ZNF385D: variants seen among roughly 807,000 people sequenced by gnomAD.
ZNF385D encodes the protein zinc finger protein 385D.
A neutral mutation model predicts 35.8 loss-of-function variants in ZNF385D; 15 were observed. That is an observed-to-expected ratio of 0.42 (90% CI 0.28 to 0.64). The LOEUF is 0.64. ZNF385D is among the 30% of genes least tolerant of loss of function. The pLI, the probability that ZNF385D is intolerant of heterozygous loss-of-function variation, is 0.23. For missense variants in ZNF385D, 474 were observed against 494.6 expected, an observed-to-expected ratio of 0.96 and a Z score of 0.39; for synonymous variants, 212 against 186.8, an observed-to-expected ratio of 1.13 and a Z score of -1.10.
chr3:22,058,356 AC>A (rs1699518157), intron 3 of ZNF385D, among the ~76,000 whole-genome samples: 1 of 152,212 alleles, frequency 6.6e-6, no homozygotes, highest in African/African-American at 2.4e-5. Context: ...GTTGCCTCAC[AC>A]CCAAGCCTCC....
At chr3:22,091,798 T>A (rs1363985339) in intron 3 of ZNF385D, among the ~76,000 whole-genome samples, 1 of 152,232 alleles carries the variant, frequency 6.6e-6, no homozygotes, top group Non-Finnish European at 1.5e-5. Flanking sequence ...TTTTTATTTG[T>A]ATACCTAAAC....
At chr3:21,823,759 C>T (rs776638846) in intron 3 of ZNF385D, among the ~76,000 whole-genome samples, 2 of 152,114 alleles carry the variant, frequency 1.3e-5, no homozygotes, top group African/African-American at 4.8e-5. Flanking sequence ...AAATGGAGCA[C>T]GTACTACCTA....
intron 2 of ZNF385D, among the ~76,000 whole-genome samples, chr3:22,184,548 A>G (rs1312789740): frequency 1.3e-5 from 2 of 152,128 alleles, no homozygotes; most frequent in Non-Finnish European, 1.5e-5. Flanking sequence ...AAACGGGGCC[A>G]GGTACAGTGG....
At chr3:22,203,238 C>A (rs1696923426) in intron 2 of ZNF385D, among the ~76,000 whole-genome samples, 1 of 152,060 alleles carries the variant, frequency 6.6e-6, no homozygotes, top group African/African-American at 2.4e-5. Flanking sequence ...AGATGCGAGG[C>A]CCTCATTCTA....
chr3:21,816,129 G>A (rs1250786128), intron 3 of ZNF385D, among the ~76,000 whole-genome samples: 8 of 152,086 alleles, frequency 5.3e-5, no homozygotes, highest in South Asian at 4.1e-4. Flanking sequence ...AAATTCAACA[G>A]CCCTTCATGC....
intron 2 of ZNF385D, among the ~76,000 whole-genome samples, chr3:22,236,350 T>G (rs1259025319): frequency 6.6e-6 from 1 of 152,122 alleles, no homozygotes; most frequent in Non-Finnish European, 1.5e-5. Context: ...ATTTATTTAT[T>G]AGATGGAGTC....
chr3:21,679,784 T>C (rs1037097120), intron 1 of ZNF385D, among the ~76,000 whole-genome samples: 1 of 152,074 alleles, frequency 6.6e-6, no homozygotes, highest in Admixed American at 6.6e-5. Flanking sequence ...AGCGACTTAC[T>C]TGATTGACCT....
chr3:21,788,527 G>T (rs1364251340), intron 3 of ZNF385D, among the ~76,000 whole-genome samples: 1 of 152,130 alleles, frequency 6.6e-6, no homozygotes, highest in Non-Finnish European at 1.5e-5. Flanking sequence ...CAGAAATTTT[G>T]TTCTCATTTT....
intron 2 of ZNF385D, among the ~76,000 whole-genome samples, chr3:21,587,661 G>A (rs534763998): frequency 6.6e-6 from 1 of 152,292 alleles, no homozygotes. Context: ...AATGTGTTCA[G>A]TGTTGAGGTT....
intron 3 of ZNF385D, among the ~76,000 whole-genome samples, chr3:22,078,830 A>T (rs1054271553): frequency 5.3e-5 from 8 of 152,116 alleles, no homozygotes; most frequent in African/African-American, 1.9e-4. Flanking sequence ...ATATATAAGC[A>T]AAGATAAGTT....
intron 4 of ZNF385D, among the ~76,000 whole-genome samples, chr3:21,463,807 C>T (rs17008871): frequency 0.2 from 30,982 of 152,046 alleles, 3,275 homozygotes; most frequent in East Asian, 0.27. Flanking sequence ...ATGGATAGAG[C>T]TGAATGTTTA....
chr3:21,557,841 CT>C (rs1188542811), intron 3 of ZNF385D, among the ~76,000 whole-genome samples: 3 of 151,814 alleles, frequency 2.0e-5, no homozygotes. Context: ...AATTTCAGAA[CT>C]TGTTATTGGG....
At chr3:22,194,786 T>G (rs1189107962) in intron 2 of ZNF385D, among the ~76,000 whole-genome samples, 1 of 151,910 alleles carries the variant, frequency 6.6e-6, no homozygotes, top group African/African-American at 2.4e-5. Flanking sequence ...TAACTCAGGC[T>G]GATGGTTTTT....
At chr3:22,149,448 G>A (rs1705083686) in intron 3 of ZNF385D, among the ~76,000 whole-genome samples, 1 of 152,132 alleles carries the variant, frequency 6.6e-6, no homozygotes, top group African/African-American at 2.4e-5. Flanking sequence ...TCTTAAGCTT[G>A]AGCATGCAAC....
At chr3:21,890,858 A>C (rs2125881863) in intron 3 of ZNF385D, among the ~76,000 whole-genome samples, 1 of 152,242 alleles carries the variant, frequency 6.6e-6, no homozygotes, top group Admixed American at 6.5e-5. Flanking sequence ...GACACCATGA[A>C]CTTTCAGTGG....
chr3:22,369,054 T>C lies in ZNF385D; in HGVS notation c.106+3396A>G, dbSNP rs186689988. Among the ~76,000 whole-genome samples the C allele has an allele frequency of 5.9e-5, 9 of 152,282 alleles. No homozygotes were observed. The East Asian group carries it at 1.5e-3, about 26-fold the overall frequency. On this transcript the variant is annotated intron_variant, in intron 2 of 5. Transcript: ENST00000494108. ...CTTGATTTTCAACTCACCAGCTTTA[T>C]TTTATTCAATTTCTCACTTTAGAGT...
chr3:22,096,108 G>A (rs1235163072), intron 3 of ZNF385D, among the ~76,000 whole-genome samples: 1 of 147,996 alleles, frequency 6.8e-6, no homozygotes, highest in African/African-American at 2.4e-5. Context: ...AGAACGGAAT[G>A]TTCATATAAG....
intron 2 of ZNF385D, among the ~76,000 whole-genome samples, chr3:22,187,473 C>T (rs1027713029): frequency 4.6e-5 from 7 of 151,764 alleles, no homozygotes; most frequent in Non-Finnish European, 1.0e-4. Context: ...TCCCTCTCAC[C>T]CTATACACAC....
At chr3:21,684,404 C>CTCTCTTCT (rs1211451693) in intron 1 of ZNF385D, among the ~76,000 whole-genome samples, 1 of 70,668 alleles carries the variant, frequency 1.4e-5, no homozygotes, top group African/African-American at 7.4e-5. Flanking sequence ...CTCTCTCTCT[C>CTCTCTTCT]CTCTCTCTCT....
Sources: gnomAD v4.1 joint callset for allele counts (sites outside exome capture counted in the v4.1 genomes callset) on GRCh38, gnomAD v4.1.1 for gene constraint, MANE v1.5 for transcripts, NCBI Gene and HGNC (gene_info 2026-07-23, HGNC 2026-07-21) for gene names.